The following TYRO3 variants were observed in gnomAD, a reference collection of about 807,000 sequenced individuals.
TYRO3 encodes the protein TYRO3 protein tyrosine kinase, also known as tyrosine-protein kinase receptor TYRO3.
In TYRO3, 38 loss-of-function variants were observed where a neutral mutation model predicts 95.2. The ratio of observed to expected loss-of-function variants is 0.40; its 90% CI spans 0.31 to 0.52. The LOEUF is 0.52. Among genes scored for constraint, TYRO3 ranks in the 20% least tolerant of loss-of-function variants. The pLI is 0.56. For synonymous variants in TYRO3, 367 were observed against 432.9 expected (o/e 0.85, Z 1.89); for missense variants, 812 against 1,116.4 (o/e 0.73, Z 3.89).
At chr15:41,567,244 T>C in intron 6 of TYRO3, 116 bp from the exon 7 acceptor site, 1 of 864,202 alleles carries the variant, frequency 1.2e-6, no homozygotes, top group Non-Finnish European at 1.6e-6. Context: ...AGGGCGTGGG[T>C]TGCAAGTGTT....
In TYRO3 at chr15:41,575,721, T is replaced by G. The variant is rs532998646; in HGVS notation, c.2282+1906T>G. ...TTGGTCTCAGCGTCTTTCCATTAGG[T>G]TTTTGGTTTGTTATTTTTCCACCTG... On this transcript the variant is annotated intron_variant, in intron 18 of 18. Transcript: ENST00000263798. 1.4e-4 allele frequency among the ~76,000 whole-genome samples: 21 copies of G among 152,178 alleles called. No homozygotes were observed. The East Asian group carries it at 4.1e-3, about 29-fold the overall frequency.
At chr15:41,577,459 G>A in intron 18 of TYRO3, 1 of 153,074 alleles carries the variant, frequency 6.5e-6, no homozygotes, top group Non-Finnish European at 1.5e-5. Context: ...CCAAGTAGCT[G>A]GGATTACAGG....
chr15:41,575,751 T>C (rs1398399520), intron 18 of TYRO3, among the ~76,000 whole-genome samples: 1 of 152,188 alleles, frequency 6.6e-6, no homozygotes, highest in African/African-American at 2.4e-5. Context: ...CACCTGAGCC[T>C]GAGGCATTCC....
intron 18 of TYRO3, 119 bp from the exon 19 acceptor site, chr15:41,577,767 C>T (rs943323348): frequency 1.4e-5 from 15 of 1,063,076 alleles, no homozygotes; most frequent in South Asian, 6.5e-5. Context: ...ATTACAGATG[C>T]GAGCCGCTGT....
chr15:41,568,454 G>A (rs2055752838), intron 8 of TYRO3, 92 bp downstream of exon 8: 2 of 1,338,186 alleles, frequency 1.5e-6, no homozygotes, highest in African/African-American at 1.5e-5. Context: ...ATTGTCTTTG[G>A]TGGGCCTGGG....
rs2055937547 is a variant in TYRO3 at position 41,582,997 on chromosome 15, G to GTTTTTTTGTTTTTT, written c.*4728_*4729insGTTTTTTTTTTTTT. ...CACTGCACCTGGCAAATTTTTAAGT[G>GTTTTTTTGTTTTTT]TTTTTTTTTTTTTTTAATACAGAGC... On this transcript the variant is annotated 3_prime_UTR_variant, in exon 19 of 19. Transcript: ENST00000263798. The GTTTTTTTGTTTTTT allele has an allele frequency of 1.9e-5, 2 of 106,110 alleles. No individual in the cohort carries two copies. The highest frequency in any genetic ancestry group is 6.4e-4 in the South Asian group (2 of 3,144). The allele number at this position is 106,110 out of a possible 1,614,324, so 6.6% of individuals were successfully genotyped here.
chr15:41,563,452 G>A (rs2055682238), intron 4 of TYRO3, among the ~76,000 whole-genome samples: 1 of 152,140 alleles, frequency 6.6e-6, no homozygotes, highest in South Asian at 2.1e-4. Flanking sequence ...CGCTGAGCTA[G>A]GTTCTCCAGC....
At chr15:41,565,203 G>A in intron 6 of TYRO3, 62 bp downstream of exon 6, 1 of 1,052,862 alleles carries the variant, frequency 9.5e-7, no homozygotes, top group Non-Finnish European at 1.5e-6. Flanking sequence ...TGTTGACAGG[G>A]ATATCACACT....
intron 6 of TYRO3, among the ~76,000 whole-genome samples, chr15:41,567,124 A>T (rs1456980027): frequency 6.6e-6 from 1 of 152,134 alleles, no homozygotes; most frequent in Non-Finnish European, 1.5e-5. Context: ...GTCTTAAAGG[A>T]TGAGTAGGCC....
chr15:41,573,618 C>A, intron 17 of TYRO3, 61 bp from the exon 18 acceptor site: 1 of 1,451,392 alleles, frequency 6.9e-7, no homozygotes, highest in Non-Finnish European at 9.4e-7. Flanking sequence ...AGAGCCATGG[C>A]TCTCTGCCTG....
At chr15:41,576,456 G>A (rs1480404314) in intron 18 of TYRO3, among the ~76,000 whole-genome samples, 2 of 151,948 alleles carry the variant, frequency 1.3e-5, no homozygotes, top group Non-Finnish European at 2.9e-5. Context: ...GCCTCCCAAA[G>A]GGCTGGGATG....
rs565771539 is a variant in TYRO3 at position 41,578,084 on chromosome 15, C to T, written c.2481C>T (p.Pro827=). Residue 827 remains proline (P), a synonymous_variant, in exon 19 of 19, where the codon CCC becomes CCT. Coordinates refer to ENST00000263798, the MANE Select transcript of TYRO3 (RefSeq NM_006293.4). ...TGGAGCTACCTGGCAGGGATCAGCCCTACAGTGGGGCTGGGGATGGCAGTG... is the reference window on the plus strand; with the variant it reads ...TGGAGCTACCTGGCAGGGATCAGCCTTACAGTGGGGCTGGGGATGGCAGTG... ...GSLELPGRDQ[P]YSGAGDGSGM... The T allele has an allele frequency of 6.2e-7, 1 of 1,614,058 alleles. No homozygotes were observed. Among genetic ancestry groups the T allele is most frequent in the South Asian group, 1.1e-5 (1 of 91,068 alleles).
intron 18 of TYRO3, among the ~76,000 whole-genome samples, chr15:41,574,493 C>G (rs1269513085): frequency 6.6e-6 from 1 of 152,166 alleles, no homozygotes; most frequent in East Asian, 1.9e-4. Flanking sequence ...TATTATTTAT[C>G]CCCACTTTGT....
intron 7 of TYRO3, among the ~76,000 whole-genome samples, chr15:41,567,938 G>GCAT (rs1277700446): frequency 6.6e-6 from 1 of 152,186 alleles, no homozygotes; most frequent in Non-Finnish European, 1.5e-5. Flanking sequence ...AAAGAGGCTG[G>GCAT]CATAGCTGTG....
At chr15:41,561,436 T>G in intron 2 of TYRO3, 103 bp from the exon 3 acceptor site, 6 of 1,507,810 alleles carry the variant, frequency 4.0e-6, no homozygotes, top group Non-Finnish European at 5.4e-6. Flanking sequence ...TTTGGCTACC[T>G]GTGGGACCTT....
intron 1 of TYRO3, among the ~76,000 whole-genome samples, chr15:41,559,908 G>C (rs1230348372): frequency 6.6e-6 from 1 of 152,248 alleles, no homozygotes; most frequent in Non-Finnish European, 1.5e-5. Flanking sequence ...CCTTGGAGAG[G>C]ATGGGCTGGT....
intron 18 of TYRO3, 34 bp from the exon 19 acceptor site, chr15:41,577,852 C>G (rs79930254): frequency 7.2e-7 from 1 of 1,383,762 alleles, no homozygotes; most frequent in Admixed American, 2.0e-5. Flanking sequence ...GAGGGAAGGG[C>G]TCCTGCCTTT....
At chr15:41,573,539 A>T (rs2055825963) in intron 17 of TYRO3, 72 bp downstream of exon 17, 1 of 1,572,288 alleles carries the variant, frequency 6.4e-7, no homozygotes, top group South Asian at 1.1e-5. Context: ...TTAAGGGCCT[A>T]GCCAAGTCTG....
At position 41,561,583 on chromosome 15, in the gene TYRO3, A is replaced by G; in HGVS notation, c.353A>G (p.Gln118Arg). The change falls in exon 3 of 19, where the codon CAG (glutamine) becomes CGG (arginine). Residue 118 changes from glutamine to arginine, a missense_variant. Transcript: ENST00000263798. ...TCTGACGCCGGCCGGTACTGGTGCC[A>G]GGTGGAGGATGGGGGTGAAACCGAG... ...ERSDAGRYWCQVEDGGETEIS... is the reference protein window; with the variant it reads ...ERSDAGRYWCRVEDGGETEIS... 2 of 1,595,418 alleles carry G rather than the reference A, an allele frequency of 1.3e-6. No homozygotes were observed. The highest frequency in any genetic ancestry group is 1.7e-6 in the Non-Finnish European group (2 of 1,172,548).
Sources: allele counts gnomAD v4.1 joint callset (sites outside exome capture counted in the v4.1 genomes callset), GRCh38; gene constraint gnomAD v4.1.1; transcripts MANE v1.5; gene names NCBI Gene and HGNC (gene_info 2026-07-23, HGNC 2026-07-21).